ZBTB20: variants seen among roughly 807,000 people sequenced by gnomAD.
ZBTB20 encodes the protein zinc finger and BTB domain-containing protein 20.
ZBTB20 carries 9 observed loss-of-function variants against 56.9 expected under a neutral mutation model. The observed-to-expected ratio is 0.16, with a 90% CI of 0.10 to 0.28. The LOEUF is 0.28. ZBTB20 is among the 10% of genes least tolerant of loss of function. ZBTB20 has a pLI of 1.00. For synonymous variants in ZBTB20, 417 were observed against 420.7 expected, an observed-to-expected ratio of 0.99 and a Z score of 0.11; for missense variants, 655 against 1,003.0, an observed-to-expected ratio of 0.65 and a Z score of 4.69.
intron 2 of ZBTB20, among the ~76,000 whole-genome samples, chr3:115,026,501 C>T (rs556055366): frequency 1.3e-5 from 2 of 151,038 alleles, no homozygotes; most frequent in South Asian, 4.1e-4. Flanking sequence ...CAGACGGACT[C>T]AAAGCATGTC....
At chr3:114,587,737 C>A (rs1280911595) in intron 6 of ZBTB20, among the ~76,000 whole-genome samples, 2 of 152,196 alleles carry the variant, frequency 1.3e-5, no homozygotes, top group African/African-American at 4.8e-5. Flanking sequence ...GAACGAAAGT[C>A]ATTTCCACTG....
At chr3:114,763,000 A>C (rs1255374823) in intron 5 of ZBTB20, among the ~76,000 whole-genome samples, 1 of 152,192 alleles carries the variant, frequency 6.6e-6, no homozygotes, top group Non-Finnish European at 1.5e-5. Context: ...TTTCACATAC[A>C]TTCTAATTCC....
intron 7 of ZBTB20, among the ~76,000 whole-genome samples, chr3:114,466,407 T>C (rs2092556007): frequency 6.6e-6 from 1 of 152,202 alleles, no homozygotes; most frequent in African/African-American, 2.4e-5. Flanking sequence ...ATCCTGTCTT[T>C]TTCATGGACC....
At chr3:114,977,620 C>G (rs1454326378) in intron 2 of ZBTB20, among the ~76,000 whole-genome samples, 1 of 151,968 alleles carries the variant, frequency 6.6e-6, no homozygotes, top group Admixed American at 6.6e-5. Flanking sequence ...TTCTCTAATT[C>G]TTATCAGTAC....
At chr3:114,438,864 A>G (rs2090719358) in intron 7 of ZBTB20, among the ~76,000 whole-genome samples, 2 of 152,190 alleles carry the variant, frequency 1.3e-5, no homozygotes, top group African/African-American at 4.8e-5. Flanking sequence ...TTGTATACCC[A>G]TGAAGCTGGC....
chr3:115,036,019 A>C (rs1183664617), intron 2 of ZBTB20, among the ~76,000 whole-genome samples: 2 of 152,202 alleles, frequency 1.3e-5, no homozygotes, highest in African/African-American at 2.4e-5. Flanking sequence ...GTACTTAGGG[A>C]AATTAAATCA....
intron 4 of ZBTB20, among the ~76,000 whole-genome samples, chr3:114,868,190 T>C (rs1027961987): frequency 6.6e-6 from 1 of 152,224 alleles, no homozygotes; most frequent in African/African-American, 2.4e-5. Flanking sequence ...GTGTGGTATC[T>C]ATGCTGATTT....
chr3:114,628,797 G>A (rs924304902), intron 6 of ZBTB20, among the ~76,000 whole-genome samples: 4 of 152,170 alleles, frequency 2.6e-5, no homozygotes, highest in Non-Finnish European at 5.9e-5. Flanking sequence ...TGCTGCTAGA[G>A]CTGCTGTTAA....
chr3:115,030,173 C>A (rs1470654667), intron 2 of ZBTB20, among the ~76,000 whole-genome samples: 1 of 151,052 alleles, frequency 6.6e-6, no homozygotes, highest in Non-Finnish European at 1.5e-5. Context: ...CCCACATATA[C>A]CATGTTTATA....
Position 114,830,399 on chromosome 3 carries a change from C to T in ZBTB20, c.-416-29225G>A, listed in dbSNP as rs73857575. ...TATCCAGGGTTCATGGTTCCTTATC[C>T]AAAGGCAATGAGAGCTTGGTGAGCA... On this transcript the variant is annotated intron_variant, in intron 4 of 11. Transcript: ENST00000675478. 3.8e-3 allele frequency among the ~76,000 whole-genome samples: 572 copies of T among 151,992 alleles called. 5 individuals are homozygous for T. The highest frequency in any genetic ancestry group is 0.013 in the African/African-American group (551 of 41,510).
At chr3:114,921,443 G>A (rs1341401547) in intron 3 of ZBTB20, among the ~76,000 whole-genome samples, 1 of 152,000 alleles carries the variant, frequency 6.6e-6, no homozygotes, top group Non-Finnish European at 1.5e-5. Flanking sequence ...ATGTCTTGAT[G>A]AGCGGATTCT....
chr3:114,672,568 A>T (rs1036054758), intron 6 of ZBTB20, among the ~76,000 whole-genome samples: 1 of 152,152 alleles, frequency 6.6e-6, no homozygotes, highest in Non-Finnish European at 1.5e-5. Context: ...AATCAACTCG[A>T]GGTTCCAAGA....
intron 6 of ZBTB20, among the ~76,000 whole-genome samples, chr3:114,533,830 T>A (rs1008182929): frequency 6.6e-6 from 1 of 152,176 alleles, no homozygotes; most frequent in African/African-American, 2.4e-5. Flanking sequence ...TGGGGGCCAA[T>A]ATTCAACATT....
chr3:115,032,118 T>C (rs1296477242), intron 2 of ZBTB20, among the ~76,000 whole-genome samples: 1 of 151,470 alleles, frequency 6.6e-6, no homozygotes, highest in East Asian at 1.9e-4. Context: ...GTGGTCCTAA[T>C]CCTTTAAAAA....
intron 2 of ZBTB20, among the ~76,000 whole-genome samples, chr3:115,001,030 G>A (rs374812888): frequency 6.8e-6 from 1 of 146,760 alleles, no homozygotes; most frequent in East Asian, 2.0e-4. Flanking sequence ...TGACCATTAC[G>A]AGGAAAAAAA....
At chr3:114,541,776 A>T (rs778119347) in intron 6 of ZBTB20, among the ~76,000 whole-genome samples, 4 of 152,172 alleles carry the variant, frequency 2.6e-5, no homozygotes, top group Non-Finnish European at 4.4e-5. Flanking sequence ...GCAAAGGTGA[A>T]TAGGGACTGG....
Position 114,399,716 on chromosome 3 carries a change from G to A in ZBTB20, c.-254-10611C>T, listed in dbSNP as rs185352003. Reference sequence around the variant, plus strand: ...AAGACTGCTATTTTCTGAGAGCCATGGGCAGTTTCTGCAATAAAGTATCTG... The same window carrying A: ...AAGACTGCTATTTTCTGAGAGCCATAGGCAGTTTCTGCAATAAAGTATCTG... On this transcript the variant is annotated intron_variant, in intron 7 of 11. Coordinates refer to ENST00000675478, the MANE Select transcript of ZBTB20 (RefSeq NM_001348800.3). Among the ~76,000 whole-genome samples, 18 of 152,222 alleles carry A rather than the reference G, an allele frequency of 1.2e-4. No homozygotes were observed. In the East Asian group the frequency reaches 3.5e-3, roughly 29 times the overall value.
intron 2 of ZBTB20, among the ~76,000 whole-genome samples, chr3:114,992,953 G>A (rs1490442555): frequency 6.6e-6 from 1 of 151,890 alleles, no homozygotes; most frequent in African/African-American, 2.4e-5. Context: ...TCACAGAATA[G>A]AAGGAAATAC....
intron 6 of ZBTB20, among the ~76,000 whole-genome samples, chr3:114,647,509 T>C (rs1242380020): frequency 6.6e-6 from 1 of 152,184 alleles, no homozygotes; most frequent in Non-Finnish European, 1.5e-5. Context: ...CCAAAACTTT[T>C]GGCAATTTCC....
Sources: allele counts gnomAD v4.1 joint callset (sites outside exome capture counted in the v4.1 genomes callset), GRCh38; gene constraint gnomAD v4.1.1; transcripts MANE v1.5; gene names NCBI Gene and HGNC (gene_info 2026-07-23, HGNC 2026-07-21).